The following RPS6KC1 variants were observed in gnomAD, a reference collection of about 807,000 sequenced individuals.
The protein encoded by RPS6KC1 is ribosomal protein S6 kinase C1, also known as inactive ribosomal protein S6 kinase delta-1.
Under a neutral mutation model 103.8 loss-of-function variants are expected in RPS6KC1, and 54 were observed. That is an observed-to-expected ratio of 0.52 (90% CI 0.42 to 0.65). RPS6KC1 has a LOEUF of 0.65. RPS6KC1 is among the 30% of genes least tolerant of loss of function. RPS6KC1 has a pLI of 0.00. For synonymous variants in RPS6KC1, 439 were observed against 438.7 expected (o/e 1.00, Z -0.01); for missense variants, 1,151 against 1,253.8 (o/e 0.92, Z 1.24).
the RPS6KC1 span, among the ~76,000 whole-genome samples, chr1:213,561,090 A>G: frequency 1.3e-5 from 2 of 152,210 alleles, no homozygotes; most frequent in Non-Finnish European, 2.9e-5. Context: ...AGGGGCTTAC[A>G]TATAGGATTA....
the RPS6KC1 span, among the ~76,000 whole-genome samples, chr1:213,637,187 T>C: frequency 1.3e-5 from 2 of 152,130 alleles, no homozygotes; most frequent in Non-Finnish European, 2.9e-5. Context: ...GTTCAACCAT[T>C]GTGGAAGACA....
the RPS6KC1 span, among the ~76,000 whole-genome samples, chr1:213,856,065 G>T: frequency 6.6e-6 from 1 of 152,190 alleles, no homozygotes; most frequent in African/African-American, 2.4e-5. Context: ...CCCTCTCCCA[G>T]ACTTAAGGGA....
intron 1 of RPS6KC1, among the ~76,000 whole-genome samples, chr1:213,066,639 CT>C (rs1250745770): frequency 6.6e-6 from 1 of 152,166 alleles, no homozygotes; most frequent in Non-Finnish European, 1.5e-5. Flanking sequence ...AGGAAGCCGG[CT>C]TTAATCAGGT....
the RPS6KC1 span, among the ~76,000 whole-genome samples, chr1:213,454,394 G>T: frequency 6.6e-6 from 1 of 152,118 alleles, no homozygotes; most frequent in African/African-American, 2.4e-5. Flanking sequence ...TTTTCTTTGT[G>T]TTCAAAATAA....
At chr1:213,171,582 T>C (rs918342388) in intron 7 of RPS6KC1, among the ~76,000 whole-genome samples, 5 of 152,214 alleles carry the variant, frequency 3.3e-5, no homozygotes, top group Non-Finnish European at 4.4e-5. Flanking sequence ...TTACAAGGTG[T>C]GAATGAAAAT....
At chr1:213,840,718 A>G in the RPS6KC1 span, 2 of 152,176 alleles carry the variant, frequency 1.3e-5, no homozygotes, top group East Asian at 3.8e-4. Flanking sequence ...TGCATTAAAA[A>G]AAAATCTCCC....
the RPS6KC1 span, chr1:213,835,872 A>G: frequency 2.5e-3 from 385 of 152,250 alleles, 3 homozygotes; most frequent in African/African-American, 8.8e-3. Context: ...CCTAATACAT[A>G]TAAGTGTGGG....
At chr1:213,460,987 G>T in the RPS6KC1 span, among the ~76,000 whole-genome samples, 5 of 152,088 alleles carry the variant, frequency 3.3e-5, no homozygotes, top group Admixed American at 6.6e-5. Context: ...TCCCTTTGTG[G>T]GTAACCCGAC....
At chr1:213,487,742 A>G in the RPS6KC1 span, among the ~76,000 whole-genome samples, 1 of 152,160 alleles carries the variant, frequency 6.6e-6, no homozygotes, top group Non-Finnish European at 1.5e-5. Context: ...TTCATGAGTC[A>G]TATGGGGATG....
At chr1:213,397,431 A>C in the RPS6KC1 span, among the ~76,000 whole-genome samples, 1 of 151,990 alleles carries the variant, frequency 6.6e-6, no homozygotes, top group South Asian at 2.1e-4. Flanking sequence ...TTTTTTTTGC[A>C]CTGTTTTCAG....
the RPS6KC1 span, among the ~76,000 whole-genome samples, chr1:213,800,267 AAGAGGC>A: frequency 1.3e-5 from 2 of 152,200 alleles, no homozygotes; most frequent in African/African-American, 4.8e-5. Flanking sequence ...GGTGTTCGAG[AAGAGGC>A]AGGAAGACCA....
At chr1:213,631,472 T>C in the RPS6KC1 span, among the ~76,000 whole-genome samples, 2 of 152,164 alleles carry the variant, frequency 1.3e-5, no homozygotes, top group Admixed American at 1.3e-4. Flanking sequence ...CCTTTACTGA[T>C]GAACTTTAGG....
the RPS6KC1 span, among the ~76,000 whole-genome samples, chr1:213,525,281 T>TG: frequency 3.1e-3 from 471 of 152,196 alleles, 2 homozygotes; most frequent in African/African-American, 0.011. Flanking sequence ...ATATCAGCTG[T>TG]GGGGGTGTAA....
intron 13 of RPS6KC1, among the ~76,000 whole-genome samples, 186 bp from the exon 14 acceptor site, chr1:213,262,535 A>T (rs1458924074): frequency 6.6e-6 from 1 of 152,186 alleles, no homozygotes; most frequent in Non-Finnish European, 1.5e-5. Flanking sequence ...GATTGTCTTC[A>T]TTTCAGTTAA....
the RPS6KC1 span, among the ~76,000 whole-genome samples, chr1:213,390,039 A>G: frequency 1.3e-5 from 2 of 152,206 alleles, no homozygotes; most frequent in East Asian, 1.9e-4. Flanking sequence ...CTGAATGGCA[A>G]TGCAATGTTT....
At chr1:213,406,183 A>G in the RPS6KC1 span, among the ~76,000 whole-genome samples, 4 of 152,178 alleles carry the variant, frequency 2.6e-5, no homozygotes, top group East Asian at 1.9e-4. Context: ...GTCGGAGTGT[A>G]TGTGACCCAC....
At chr1:213,145,645 G>C (rs1418798015) in intron 6 of RPS6KC1, among the ~76,000 whole-genome samples, 2 of 152,082 alleles carry the variant, frequency 1.3e-5, no homozygotes, top group Admixed American at 1.3e-4. Context: ...AGAATACATA[G>C]AAGGAGTAAT....
the RPS6KC1 span, among the ~76,000 whole-genome samples, chr1:213,491,334 G>C: frequency 2.0e-5 from 3 of 152,118 alleles, no homozygotes; most frequent in Admixed American, 2.0e-4. Context: ...GATCCTTTGA[G>C]GCCAGGAGTT....
chr1:213,817,489 A>G, the RPS6KC1 span, among the ~76,000 whole-genome samples: 1 of 152,240 alleles, frequency 6.6e-6, no homozygotes, highest in South Asian at 2.1e-4. Context: ...TCCTAATTGA[A>G]TAACTTAGGC....
Sources: allele counts gnomAD v4.1 joint callset (sites outside exome capture counted in the v4.1 genomes callset), GRCh38; gene constraint gnomAD v4.1.1; transcripts MANE v1.5; gene names NCBI Gene and HGNC (gene_info 2026-07-23, HGNC 2026-07-21).